SIPA1L3: variants seen among roughly 807,000 people sequenced by gnomAD.
The protein encoded by SIPA1L3 is signal induced proliferation associated 1 like 3.
Under a neutral mutation model 150.1 loss-of-function variants are expected in SIPA1L3, and 59 were observed. The observed-to-expected ratio is 0.39, with a 90% CI of 0.32 to 0.49. SIPA1L3 has a LOEUF of 0.49. SIPA1L3 is among the 20% of genes least tolerant of loss of function. The probability of loss-of-function intolerance (pLI) is 0.86; values close to 1 mark genes in which losing one functional copy is unlikely to be tolerated. For synonymous variants in SIPA1L3, 1,070 were observed against 1,077.6 expected (o/e 0.99, Z 0.14); for missense variants, 2,211 against 2,489.5 (o/e 0.89, Z 2.38).
chr19:38,163,695 C>T (rs1972143907), intron 14 of SIPA1L3, among the ~76,000 whole-genome samples: 1 of 151,938 alleles, frequency 6.6e-6, no homozygotes, highest in South Asian at 2.1e-4. Flanking sequence ...ACGGGGAGTG[C>T]CCAGTATGTT....
intron 1 of SIPA1L3, among the ~76,000 whole-genome samples, chr19:37,919,427 T>TGTTA (rs1463047510): frequency 6.6e-6 from 1 of 152,224 alleles, no homozygotes; most frequent in Admixed American, 6.5e-5. Flanking sequence ...TAGGTACTGT[T>TGTTA]GTTATTACCA....
chr19:37,954,447 C>T (rs780335004), intron 1 of SIPA1L3, among the ~76,000 whole-genome samples: 15 of 152,030 alleles, frequency 9.9e-5, no homozygotes, highest in Non-Finnish European at 1.9e-4. Flanking sequence ...ACCTCTCGGT[C>T]GTGCTCCTTG....
At chr19:38,039,693 C>CAAA (rs60084757) in intron 2 of SIPA1L3, among the ~76,000 whole-genome samples, 19 of 73,520 alleles carry the variant, frequency 2.6e-4, no homozygotes, top group African/African-American at 9.1e-4. Flanking sequence ...GACTCTGTCT[C>CAAA]AAAAAAAAAA....
intron 14 of SIPA1L3, among the ~76,000 whole-genome samples, chr19:38,163,672 C>T (rs1200323778): frequency 6.6e-6 from 1 of 151,928 alleles, no homozygotes; most frequent in Non-Finnish European, 1.5e-5. Context: ...GAGCAGCAGG[C>T]GCAGAGGCCC....
chr19:37,915,895 C>T (rs1900521068), intron 1 of SIPA1L3, among the ~76,000 whole-genome samples: 1 of 151,904 alleles, frequency 6.6e-6, no homozygotes, highest in Non-Finnish European at 1.5e-5. Context: ...GCTTTTAAGA[C>T]TAAAAATATT....
intron 1 of SIPA1L3, among the ~76,000 whole-genome samples, chr19:37,949,683 G>A (rs1368209777): frequency 3.3e-5 from 5 of 151,390 alleles, no homozygotes; most frequent in African/African-American, 1.2e-4. Flanking sequence ...AAAAGTTGGA[G>A]AGGGGACTCT....
chr19:38,099,291 C>T (rs1195236588), intron 4 of SIPA1L3, among the ~76,000 whole-genome samples: 1 of 151,564 alleles, frequency 6.6e-6, no homozygotes, highest in East Asian at 1.9e-4. Flanking sequence ...CCACCTTGGC[C>T]TCCCCAAAGT....
chr19:37,994,536 G>A (rs769691325), intron 1 of SIPA1L3, among the ~76,000 whole-genome samples: 3 of 152,150 alleles, frequency 2.0e-5, no homozygotes, highest in Non-Finnish European at 4.4e-5. Flanking sequence ...TCTGAGCACA[G>A]CCACTCTAGA....
At chr19:38,066,250 T>G (rs936938867) in intron 2 of SIPA1L3, among the ~76,000 whole-genome samples, 1 of 152,068 alleles carries the variant, frequency 6.6e-6, no homozygotes, top group African/African-American at 2.4e-5. Context: ...ACTACCACCC[T>G]CAAGGGATCC....
intron 10 of SIPA1L3, chr19:38,131,563 G>A (rs1349621747): frequency 6.5e-6 from 1 of 154,688 alleles, no homozygotes; most frequent in Non-Finnish European, 1.4e-5. Flanking sequence ...CCATGCTTGG[G>A]TTTTATTCCA....
rs1969050668 is a variant in SIPA1L3, at chr19:38,046,076, A to G, written c.-311+16920A>G. Reference sequence around the variant, plus strand: ...CGTCAGAGACTCCAGAGCCGCCTCCACCACTGTGATTCCTTGAAGCTTTTT... The same window carrying G: ...CGTCAGAGACTCCAGAGCCGCCTCCGCCACTGTGATTCCTTGAAGCTTTTT... On this transcript the variant is annotated intron_variant, in intron 2 of 21. Coordinates refer to ENST00000222345, the MANE Select transcript of SIPA1L3 (RefSeq NM_015073.3). The surrounding 1 kb of genome is among the most constrained non-coding windows in gnomAD (Gnocchi z 5.6). Among the ~76,000 whole-genome samples, 2 of 152,068 alleles carry G rather than the reference A, an allele frequency of 1.3e-5. No homozygotes were observed. Among genetic ancestry groups the G allele is most frequent in the African/African-American group, 4.8e-5 (2 of 41,414 alleles).
intron 1 of SIPA1L3, among the ~76,000 whole-genome samples, chr19:37,947,260 C>T (rs1385900313): frequency 4.6e-5 from 7 of 151,796 alleles, no homozygotes; most frequent in Non-Finnish European, 8.8e-5. Context: ...GAGGCCGAGG[C>T]GGGCGGATCA....
At chr19:38,072,768 C>T (rs981467006) in intron 2 of SIPA1L3, among the ~76,000 whole-genome samples, 11 of 152,216 alleles carry the variant, frequency 7.2e-5, no homozygotes, top group African/African-American at 2.7e-4. Context: ...GGAGTCCTGG[C>T]GACAGGGAAA....
rs766569636 is a variant in SIPA1L3, at chr19:38,097,172, G to A, written c.1666-2790G>A. On this transcript the variant is annotated intron_variant, in intron 4 of 21. Coordinates refer to ENST00000222345, the MANE Select transcript of SIPA1L3 (RefSeq NM_015073.3). ...CAGACCAGCCTGGGCAACATAGTGG[G>A]ACTCTGTCTCTACAAAAAATATACA... Among the ~76,000 whole-genome samples the A allele has an allele frequency of 5.4e-4, 82 of 152,102 alleles. 1 individual carries two copies. Among genetic ancestry groups the A allele is most frequent in the Admixed American group, 3.9e-4 (6 of 15,264 alleles).
At chr19:37,956,733 C>T (rs1441752769) in intron 1 of SIPA1L3, among the ~76,000 whole-genome samples, 1 of 152,332 alleles carries the variant, frequency 6.6e-6, no homozygotes, top group East Asian at 1.9e-4. Context: ...ATCCGCCCAC[C>T]TTGGCCTCCC....
At chr19:38,008,948 G>T (rs933946507) in intron 1 of SIPA1L3, among the ~76,000 whole-genome samples, 2 of 152,152 alleles carry the variant, frequency 1.3e-5, no homozygotes, top group Admixed American at 1.3e-4. Context: ...TGAGGAGCAT[G>T]CCTGCACCAC....
intron 3 of SIPA1L3, among the ~76,000 whole-genome samples, chr19:38,086,221 G>A (rs972155179): frequency 3.3e-5 from 5 of 151,074 alleles, no homozygotes; most frequent in African/African-American, 9.8e-5. Context: ...CAACCTACAC[G>A]TACAAATACG....
intron 2 of SIPA1L3, among the ~76,000 whole-genome samples, chr19:38,076,511 C>T (rs909277532): frequency 6.6e-6 from 1 of 152,140 alleles, no homozygotes; most frequent in African/African-American, 2.4e-5. Context: ...TCATCATCTC[C>T]GCATGAGCAG....
In SIPA1L3 at chr19:38,082,318, G is replaced by T; in HGVS notation, c.753G>T (p.Met251Ile). 6.3e-7 allele frequency: 1 copy of T among 1,598,734 alleles called. No individual in the cohort carries two copies. The highest frequency in any genetic ancestry group is 2.2e-5 in the East Asian group (1 of 44,844). Residue 251 changes from methionine to isoleucine, a missense_variant, in exon 3 of 22, where the codon ATG becomes ATT. Coordinates refer to ENST00000222345, the MANE Select transcript of SIPA1L3 (RefSeq NM_015073.3). Reference sequence around the variant, plus strand: ...GGGCAGATCCTGGCCCACACCTCATGGGGGGCGGCGGCGGAGCCAAGGGGG... The same window carrying T: ...GGGCAGATCCTGGCCCACACCTCATTGGGGGCGGCGGCGGAGCCAAGGGGG... ...LLRADPGPHL[M>I]GGGGGAKGDS...
Sources: gnomAD v4.1 joint callset for allele counts (sites outside exome capture counted in the v4.1 genomes callset) on GRCh38, gnomAD v4.1.1 for gene constraint, Gnocchi (gnomAD v3.1) non-coding constraint, MANE v1.5 for transcripts, NCBI Gene and HGNC (gene_info 2026-07-23, HGNC 2026-07-21) for gene names.